The following TAF6 variants were observed in gnomAD, a reference collection of about 807,000 sequenced individuals.
TAF6 encodes the protein transcription initiation factor TFIID subunit 6.
A neutral mutation model predicts 73.5 loss-of-function variants in TAF6; 50 were observed. The ratio of observed to expected loss-of-function variants is 0.68; its 90% CI spans 0.54 to 0.86. The LOEUF is 0.86. Among genes scored for constraint, TAF6 ranks in the 40% least tolerant of loss-of-function variants. The probability of loss-of-function intolerance (pLI) is 0.00; values close to 1 mark genes in which losing one functional copy is unlikely to be tolerated. For missense variants in TAF6, 768 were observed against 899.5 expected, an observed-to-expected ratio of 0.85 and a Z score of 1.87; for synonymous variants, 424 against 376.7, an observed-to-expected ratio of 1.13 and a Z score of -1.45.
At chr7:100,124,430 A>C, upstream of TAF6, 1 of 1,053,154 alleles carries the variant, frequency 9.5e-7, no homozygotes, top group Non-Finnish European at 1.4e-6. Context: ...CTCCAAAATC[A>C]GTCAGGTTGA....
chr7:100,119,414 T>C, upstream of TAF6: 10 of 1,178,970 alleles, frequency 8.5e-6, no homozygotes, highest in Non-Finnish European at 1.1e-5. Context: ...CCCTTCCCCG[T>C]ACCAGAATAA....
chr7:100,121,050 C>T (rs1798025451), upstream of TAF6: 1 of 114,878 alleles, frequency 8.7e-6, no homozygotes, highest in African/African-American at 3.5e-5. Flanking sequence ...TCATCACACT[C>T]CTATGAGGGA....
chr7:100,122,782 A>C (rs200659602), upstream of TAF6: 228 of 1,611,772 alleles, frequency 1.4e-4, no homozygotes, highest in Non-Finnish European at 1.9e-4. Flanking sequence ...TTAATCTCTC[A>C]GGGTCAGAGT....
upstream of TAF6, chr7:100,119,753 T>C (rs776434907): frequency 6.2e-7 from 1 of 1,614,192 alleles, no homozygotes; most frequent in Non-Finnish European, 8.5e-7. Flanking sequence ...TCATGGGACC[T>C]GTGCGGTTGG....
intron 12 of TAF6, 74 bp from the exon 13 acceptor site, chr7:100,108,614 C>T: frequency 2.0e-6 from 3 of 1,498,574 alleles, no homozygotes; most frequent in Non-Finnish European, 1.8e-6. Flanking sequence ...GCTGGTGACA[C>T]TCTTGAGAAG....
upstream of TAF6, chr7:100,119,773 T>C (rs762072600): frequency 6.8e-6 from 11 of 1,614,126 alleles, no homozygotes; most frequent in Non-Finnish European, 8.5e-6. Context: ...GGAATATTGC[T>C]TTTCCTTTTT....
In TAF6 at chr7:100,118,656, C is replaced by CA. The variant is rs576952051; in HGVS notation, c.-60+547dup. On this transcript the variant is annotated intron_variant, in intron 1 of 14. Coordinates refer to ENST00000453269, the MANE Select transcript of TAF6 (RefSeq NM_139315.3). The stretch of plus-strand genomic sequence containing the variant: ...TGGGTAACAGACGGAAACCCTGTCT[C>CA]AAAAAAAAAACAAAAAAAAATTAAA... The CA allele has an allele frequency of 5.9e-3, 941 of 158,392 alleles. 1 individual carries two copies. Among genetic ancestry groups the CA allele is most frequent in the Middle Eastern group, 0.018 (6 of 338 alleles). The allele number at this position is 158,392 out of a possible 1,614,324, so 9.8% of individuals were successfully genotyped here.
chr7:100,119,777 C>A, upstream of TAF6: 1 of 1,614,094 alleles, frequency 6.2e-7, no homozygotes, highest in Non-Finnish European at 8.5e-7. Context: ...TATTGCTTTT[C>A]CTTTTTTTGG....
chr7:100,120,504 C>T (rs988792285), upstream of TAF6: 7 of 152,292 alleles, frequency 4.6e-5, no homozygotes, highest in African/African-American at 1.7e-4. Flanking sequence ...GTTTGCTGCC[C>T]TCCTGACTTT....
intron 13 of TAF6, 30 bp downstream of exon 13, chr7:100,108,337 C>T: frequency 1.9e-6 from 3 of 1,579,732 alleles, no homozygotes; most frequent in Non-Finnish European, 2.6e-6. Context: ...TCTGCTTCCT[C>T]CTATTCCTCC....
upstream of TAF6, among the ~76,000 whole-genome samples, chr7:100,120,748 G>A (rs1258397363): frequency 6.6e-6 from 1 of 152,042 alleles, no homozygotes; most frequent in Middle Eastern, 3.2e-3. Context: ...TACAGCCAAC[G>A]GGCCTGGGCA....
At chr7:100,122,850 A>C (rs1798111511), upstream of TAF6, 2 of 1,613,862 alleles carry the variant, frequency 1.2e-6, no homozygotes, top group Non-Finnish European at 1.7e-6. Flanking sequence ...GGATCTGGGG[A>C]TCCCTCTGGA....
intron 10 of TAF6, among the ~76,000 whole-genome samples, chr7:100,110,843 G>A (rs563037108): frequency 6.6e-6 from 1 of 151,868 alleles, no homozygotes; most frequent in East Asian, 1.9e-4. Flanking sequence ...TTAGCCAGTT[G>A]TGGTGGCAGG....
upstream of TAF6, chr7:100,124,407 T>G: frequency 3.7e-6 from 3 of 812,452 alleles, no homozygotes; most frequent in East Asian, 7.4e-5. Flanking sequence ...CTTAGCTTCC[T>G]GGCTACCTGC....
Position 100,110,278 on chromosome 7 carries a change from T to C in TAF6, c.1084-4A>G. Reference sequence around the variant, plus strand: ...GCGTCTTCTCGTCCACCCAGCTCTGTAAGGGGAAGGAAATAAACTAAGATG... The same window carrying C: ...GCGTCTTCTCGTCCACCCAGCTCTGCAAGGGGAAGGAAATAAACTAAGATG... On this transcript the variant is annotated splice_region_variant and splice_polypyrimidine_tract_variant and intron_variant, in intron 10 of 14. Coordinates refer to ENST00000453269, the MANE Select transcript of TAF6 (RefSeq NM_139315.3). 1 of 1,613,942 alleles carries C rather than the reference T, an allele frequency of 6.2e-7. No homozygotes were observed. Among genetic ancestry groups the C allele is most frequent in the Non-Finnish European group, 8.5e-7 (1 of 1,179,884 alleles).
chr7:100,122,314 T>G, upstream of TAF6: 10 of 1,613,822 alleles, frequency 6.2e-6, no homozygotes, highest in Non-Finnish European at 8.5e-6. Context: ...CCGGTCGATC[T>G]CGAGAGGTGC....
At position 100,113,719 on chromosome 7, in the gene TAF6, A is replaced by G; in HGVS notation, c.294T>C (p.Ser98=). ...AQEFIPFRFA[S]GGGRELYFYE... is the part of the protein sequence containing the mutation. ...AGAAGTAAAGCTCCCGGCCCCCACCAGAGGCGAAGCGGAAAGGAATGAACT... is the reference window on the plus strand; with the variant it reads ...AGAAGTAAAGCTCCCGGCCCCCACCGGAGGCGAAGCGGAAAGGAATGAACT... The change falls in exon 4 of 15, where the codon TCT becomes TCC. Residue 98 remains serine, a synonymous_variant. Transcript: ENST00000453269. The G allele has an allele frequency of 6.2e-7, 1 of 1,614,020 alleles. No homozygotes were observed. Among genetic ancestry groups the G allele is most frequent in the African/African-American group, 1.3e-5 (1 of 74,964 alleles).
intron 9 of TAF6, 99 bp downstream of exon 9, chr7:100,111,629 G>A: frequency 7.7e-7 from 1 of 1,305,970 alleles, no homozygotes; most frequent in South Asian, 1.2e-5. Flanking sequence ...TCCCAAAGTT[G>A]CTGGGATTTC....
chr7:100,107,691 C>A, intron 14 of TAF6, 68 bp from the exon 15 acceptor site: 1 of 1,567,224 alleles, frequency 6.4e-7, no homozygotes, highest in South Asian at 1.2e-5. Context: ...CTGGCGAGGA[C>A]GCTTCACTCG....
Sources: gnomAD v4.1 joint callset for allele counts (sites outside exome capture counted in the v4.1 genomes callset) on GRCh38, gnomAD v4.1.1 for gene constraint, MANE v1.5 for transcripts, NCBI Gene and HGNC (gene_info 2026-07-23, HGNC 2026-07-21) for gene names.